LHPP: variants seen among roughly 807,000 people sequenced by gnomAD.
LHPP encodes hLHPP.
Under a neutral mutation model 30.3 loss-of-function variants are expected in LHPP, and 24 were observed. The ratio of observed to expected loss-of-function variants is 0.79; its 90% CI spans 0.57 to 1.11. The LOEUF (loss-of-function observed/expected upper bound fraction) is 1.11. LHPP is among the 50% of genes most tolerant of loss of function. The probability of loss-of-function intolerance (pLI) is 0.00; values close to 1 mark genes in which losing one functional copy is unlikely to be tolerated. For missense variants in LHPP, 356 were observed against 367.2 expected (o/e 0.97, Z 0.25); for synonymous variants, 150 against 157.1 (o/e 0.95, Z 0.34).
chr10:124,498,034 A>G lies in LHPP; in HGVS notation c.532-2A>G, dbSNP rs759644573. ...ATGCCATGTCCCTCTCTCTTTTCCCAGTATGCCTGTGGCATCAAAGCCGAG... is the reference window on the plus strand; with the variant it reads ...ATGCCATGTCCCTCTCTCTTTTCCCGGTATGCCTGTGGCATCAAAGCCGAG... On this transcript the variant is annotated splice_acceptor_variant, in intron 4 of 6. Transcript: ENST00000368842. LOFTEE classifies it high-confidence loss of function. 3 of 1,612,466 alleles carry G rather than the reference A, an allele frequency of 1.9e-6. No homozygotes were observed. Among genetic ancestry groups the G allele is most frequent in the Non-Finnish European group, 1.7e-6 (2 of 1,178,600 alleles).
At chr10:124,547,021 GCA>G (rs58588487) in intron 6 of LHPP, among the ~76,000 whole-genome samples, 2 of 95,522 alleles carry the variant, frequency 2.1e-5, no homozygotes, top group Admixed American at 1.2e-4. Flanking sequence ...TTCTTTTTCT[GCA>G]CACACACACG....
intron 6 of LHPP, among the ~76,000 whole-genome samples, chr10:124,601,267 G>A (rs888007336): frequency 9.9e-5 from 15 of 152,202 alleles, no homozygotes; most frequent in Non-Finnish European, 2.2e-4. Flanking sequence ...AGCAGCTGCC[G>A]CGTCACACGC....
chr10:124,547,339 T>C (rs1247452481), intron 6 of LHPP, among the ~76,000 whole-genome samples: 1 of 152,230 alleles, frequency 6.6e-6, no homozygotes, highest in East Asian at 1.9e-4. Flanking sequence ...TATTTTCATG[T>C]TTTTAAACTT....
chr10:124,504,180 A>C (rs890283621), intron 5 of LHPP, among the ~76,000 whole-genome samples: 2 of 152,056 alleles, frequency 1.3e-5, no homozygotes, highest in African/African-American at 4.8e-5. Context: ...TGACAGAGTG[A>C]GACTCTGTCT....
At position 124,592,476 on chromosome 10, in the gene LHPP, C is replaced by G. The variant is rs921919997; in HGVS notation, c.717-20788C>G. Reference sequence around the variant, plus strand: ...GAAAATGAGTCACTGGGGCATTCCCCGAACTTGGGAAAAGCCCTGACCCCA... The same window carrying G: ...GAAAATGAGTCACTGGGGCATTCCCGGAACTTGGGAAAAGCCCTGACCCCA... On this transcript the variant is annotated intron_variant, in intron 6 of 6. Transcript: ENST00000368842. The surrounding 1 kb of genome is among the most constrained non-coding windows in gnomAD (Gnocchi z 6.2). Among the ~76,000 whole-genome samples, 1 of 152,204 alleles carries G rather than the reference C, an allele frequency of 6.6e-6. No homozygotes were observed. The highest frequency in any genetic ancestry group is 1.5e-5 in the Non-Finnish European group (1 of 68,024).
chr10:124,574,412 A>G (rs906323687), intron 6 of LHPP, among the ~76,000 whole-genome samples: 1 of 152,098 alleles, frequency 6.6e-6, no homozygotes, highest in Admixed American at 6.5e-5. Context: ...GAGTCCCCAG[A>G]ACTTCACAGG....
chr10:124,528,439 ACCTCC>A (rs1486192740), intron 6 of LHPP, among the ~76,000 whole-genome samples: 3 of 151,384 alleles, frequency 2.0e-5, no homozygotes, highest in Non-Finnish European at 4.4e-5. Flanking sequence ...GCTCATTGCA[ACCTCC>A]GCCTCCCGGG....
chr10:124,495,665 C>T lies in LHPP; in HGVS notation c.468-1296C>T, dbSNP rs531655027. 5.3e-5 allele frequency among the ~76,000 whole-genome samples: 8 copies of T among 152,334 alleles called. 1 individual carries two copies. In the South Asian group the frequency reaches 1.2e-3, roughly 24 times the overall value. On this transcript the variant is annotated intron_variant, in intron 3 of 6. Coordinates refer to ENST00000368842, the MANE Select transcript of LHPP (RefSeq NM_022126.4). ...TCTCACACCCCAGGTGGTCACAGAA[C>T]ACATTTCAGCCCCCAAATTGAACAG...
intron 1 of LHPP, among the ~76,000 whole-genome samples, chr10:124,482,038 G>GC (rs1278753139): frequency 6.6e-6 from 1 of 152,210 alleles, no homozygotes; most frequent in Non-Finnish European, 1.5e-5. Flanking sequence ...GGAACAGAAA[G>GC]CCCTTGACAT....
chr10:124,575,919 G>A (rs1948653503), intron 6 of LHPP, among the ~76,000 whole-genome samples: 1 of 152,218 alleles, frequency 6.6e-6, no homozygotes, highest in South Asian at 2.1e-4. Flanking sequence ...CCAGGGCTGG[G>A]TGAGGACCTG....
In LHPP at chr10:124,592,377, C is replaced by T. The variant is rs991885086; in HGVS notation, c.717-20887C>T. 2.0e-5 allele frequency among the ~76,000 whole-genome samples: 3 copies of T among 152,310 alleles called. No individual in the cohort carries two copies. Among genetic ancestry groups the T allele is most frequent in the Non-Finnish European group, 2.9e-5 (2 of 68,028 alleles). On this transcript the variant is annotated intron_variant, in intron 6 of 6. Transcript: ENST00000368842. The surrounding 1 kb of genome is among the most constrained non-coding windows in gnomAD (Gnocchi z 6.2). The stretch of plus-strand genomic sequence containing the variant: ...GTCAGCTCTCGAACTGCAGCATACC[C>T]GAGCTCTTAAAGCACACTGGACCTA...
intron 4 of LHPP, among the ~76,000 whole-genome samples, chr10:124,497,714 G>A (rs766922783): frequency 2.0e-5 from 3 of 152,212 alleles, no homozygotes; most frequent in African/African-American, 4.8e-5. Context: ...ATGAGAGGAC[G>A]GAATTGCAGG....
chr10:124,513,656 A>C (rs1481317406), intron 5 of LHPP, among the ~76,000 whole-genome samples: 1 of 150,624 alleles, frequency 6.6e-6, no homozygotes, highest in African/African-American at 2.4e-5. Flanking sequence ...TGGTTTCACT[A>C]TGTTGGCCAG....
chr10:124,505,758 A>T (rs1320933799), intron 5 of LHPP, among the ~76,000 whole-genome samples: 1 of 152,254 alleles, frequency 6.6e-6, no homozygotes, highest in Non-Finnish European at 1.5e-5. Context: ...GTTCTCCATC[A>T]TCATAAGAAG....
intron 6 of LHPP, among the ~76,000 whole-genome samples, chr10:124,606,135 G>A (rs1354887057): frequency 6.6e-6 from 1 of 152,210 alleles, no homozygotes; most frequent in Non-Finnish European, 1.5e-5. Context: ...CCCCAGGAGA[G>A]GAGAGGAGAA....
intron 6 of LHPP, among the ~76,000 whole-genome samples, chr10:124,588,961 A>C (rs1948842860): frequency 6.6e-6 from 1 of 152,224 alleles, no homozygotes; most frequent in Non-Finnish European, 1.5e-5. Context: ...CAGCCGGTGC[A>C]GCGCGGTTAT....
intron 6 of LHPP, among the ~76,000 whole-genome samples, chr10:124,522,443 A>G (rs1434039300): frequency 6.6e-6 from 1 of 152,156 alleles, no homozygotes; most frequent in African/African-American, 2.4e-5. Flanking sequence ...TCATGATGCC[A>G]TGAGTCCTGC....
chr10:124,554,211 G>GCAAGACCCT, intron 6 of LHPP: 1 of 331,108 alleles, frequency 3.0e-6, no homozygotes, highest in Non-Finnish European at 4.3e-6. Flanking sequence ...TTATTGACAG[G>GCAAGACCCT]GTCTTGCTCT....
intron 6 of LHPP, among the ~76,000 whole-genome samples, chr10:124,554,674 C>T (rs1034316194): frequency 3.3e-5 from 5 of 152,006 alleles, no homozygotes; most frequent in Non-Finnish European, 5.9e-5. Context: ...GCCAGGTGGG[C>T]GGGGCCAGGT....
Sources: gnomAD v4.1 joint callset for allele counts (sites outside exome capture counted in the v4.1 genomes callset) on GRCh38, gnomAD v4.1.1 for gene constraint, Gnocchi (gnomAD v3.1) non-coding constraint, MANE v1.5 for transcripts, NCBI Gene and HGNC (gene_info 2026-07-23, HGNC 2026-07-21) for gene names.